Variants in AKT3 observed in about 807,000 individuals in gnomAD.
AKT3 encodes AKT serine/threonine kinase 3.
A neutral mutation model predicts 65.3 loss-of-function variants in AKT3; 15 were observed. The ratio of observed to expected loss-of-function variants is 0.23; its 90% CI spans 0.15 to 0.35. The LOEUF (loss-of-function observed/expected upper bound fraction) is 0.35, where lower values mean the gene tolerates loss of function less well. Ranked by LOEUF, AKT3 falls within the 10% of genes least tolerant of loss-of-function variation. The pLI is 1.00. For missense variants in AKT3, 243 were observed against 576.5 expected (o/e 0.42, Z 5.92); for synonymous variants, 206 against 183.8 (o/e 1.12, Z -0.98).
chr1:243,710,518 C>A (rs1686076966), intron 2 of AKT3, among the ~76,000 whole-genome samples: 1 of 152,154 alleles, frequency 6.6e-6, no homozygotes, highest in Non-Finnish European at 1.5e-5. Flanking sequence ...AGTCACTATA[C>A]CCCGTCCTAT....
chr1:243,563,762 G>A lies in AKT3; in HGVS notation c.906C>T (p.Thr302=), dbSNP rs770248544. The change falls in exon 10 of 14, where the codon ACC becomes ACT. Residue 302 remains threonine, a synonymous_variant. Transcript: ENST00000673466. The stretch of plus-strand genomic sequence containing the variant: ...CTGGAGTGCCACAGAATGTCTTCAT[G>A]GTGGCTGCATCTGTGATCCCTTCTT... ...LCKEGITDAA[T]MKTFCGTPEY... 25 of 1,612,778 alleles carry A rather than the reference G, an allele frequency of 1.6e-5. No individual in the cohort carries two copies. Among genetic ancestry groups the A allele is most frequent in the African/African-American group, 5.3e-5 (4 of 74,864 alleles).
chr1:243,696,339 C>G (rs1453680639), intron 2 of AKT3, among the ~76,000 whole-genome samples: 1 of 151,888 alleles, frequency 6.6e-6, no homozygotes, highest in Non-Finnish European at 1.5e-5. Flanking sequence ...AACATAGTAA[C>G]TATTAATATA....
chr1:243,582,639 G>A (rs1675464125), intron 8 of AKT3, among the ~76,000 whole-genome samples: 1 of 151,978 alleles, frequency 6.6e-6, no homozygotes, highest in Admixed American at 6.6e-5. Flanking sequence ...AAAAATAAAT[G>A]CTACCACAAA....
chr1:243,742,088 TAAC>T (rs1448508326), intron 2 of AKT3, among the ~76,000 whole-genome samples: 1 of 110,634 alleles, frequency 9.0e-6, no homozygotes, highest in Non-Finnish European at 2.0e-5. Flanking sequence ...CAGTAAAAAA[TAAC>T]AATAGAACAA....
chr1:243,509,742 T>G (rs1669904212), intron 13 of AKT3, among the ~76,000 whole-genome samples: 1 of 151,788 alleles, frequency 6.6e-6, no homozygotes, highest in African/African-American at 2.4e-5. Context: ...TGAGCAGAAT[T>G]GAAAATAGGG....
intron 8 of AKT3, among the ~76,000 whole-genome samples, chr1:243,589,857 A>G (rs1263233257): frequency 6.6e-6 from 1 of 152,194 alleles, no homozygotes; most frequent in Non-Finnish European, 1.5e-5. Flanking sequence ...AACATCTATC[A>G]GCAGATAAAT....
chr1:243,556,404 A>T (rs1296311386), intron 10 of AKT3, among the ~76,000 whole-genome samples: 3 of 152,146 alleles, frequency 2.0e-5, no homozygotes, highest in Admixed American at 1.3e-4. Flanking sequence ...AACAAAAAAA[A>T]AACTATTCAT....
intron 12 of AKT3, among the ~76,000 whole-genome samples, chr1:243,539,465 C>T (rs1672153574): frequency 6.6e-6 from 1 of 152,044 alleles, no homozygotes; most frequent in Non-Finnish European, 1.5e-5. Flanking sequence ...AGTTAAGTTT[C>T]TAGGAAGTCA....
intron 2 of AKT3, among the ~76,000 whole-genome samples, chr1:243,837,298 C>T (rs1014792487): frequency 6.6e-6 from 1 of 152,032 alleles, no homozygotes; most frequent in South Asian, 2.1e-4. Flanking sequence ...ATATGGATAG[C>T]CTTGTATCTA....
At chr1:243,766,591 C>T (rs1689843383) in intron 2 of AKT3, among the ~76,000 whole-genome samples, 1 of 152,044 alleles carries the variant, frequency 6.6e-6, no homozygotes, top group Admixed American at 6.6e-5. Context: ...TAAACAACCC[C>T]CAATCTCCAA....
chr1:243,491,966 C>T (rs943072943), intron 13 of AKT3, among the ~76,000 whole-genome samples: 3 of 152,158 alleles, frequency 2.0e-5, no homozygotes, highest in Non-Finnish European at 4.4e-5. Flanking sequence ...GAGAATGGGT[C>T]GGGCAATGGT....
At chr1:243,736,640 G>A (rs552993827) in intron 2 of AKT3, among the ~76,000 whole-genome samples, 1 of 152,090 alleles carries the variant, frequency 6.6e-6, no homozygotes, top group Non-Finnish European at 1.5e-5. Flanking sequence ...GTATTATACA[G>A]CAATCTTAAA....
At chr1:243,488,372 T>A (rs1665511060) in exon 14 of AKT3, 1 of 156,196 alleles carries the variant, frequency 6.4e-6, no homozygotes, top group African/African-American at 2.4e-5. Context: ...AGAACACTTC[T>A]GGGTAGTCGT....
chr1:243,807,014 C>A (rs1300996948), intron 2 of AKT3, among the ~76,000 whole-genome samples: 1 of 152,128 alleles, frequency 6.6e-6, no homozygotes, highest in Non-Finnish European at 1.5e-5. Context: ...CTATTGGGAA[C>A]AATCATCCCA....
intron 2 of AKT3, among the ~76,000 whole-genome samples, chr1:243,824,451 A>T (rs1194718136): frequency 6.6e-6 from 1 of 152,210 alleles, no homozygotes; most frequent in African/African-American, 2.4e-5. Flanking sequence ...AGCAAAAGAA[A>T]CTATCATCAG....
intron 3 of AKT3, among the ~76,000 whole-genome samples, chr1:243,666,512 C>G (rs770851034): frequency 1.3e-5 from 2 of 152,146 alleles, no homozygotes; most frequent in African/African-American, 2.4e-5. Flanking sequence ...AATTACTGGA[C>G]CACCCCTAAA....
chr1:243,783,646 C>A (rs574427848), intron 2 of AKT3, among the ~76,000 whole-genome samples: 2 of 152,100 alleles, frequency 1.3e-5, no homozygotes, highest in Admixed American at 1.3e-4. Context: ...TGAAAAAGTA[C>A]GACAAAGCTA....
chr1:243,839,660 C>A (rs561503276), intron 2 of AKT3, among the ~76,000 whole-genome samples: 1 of 151,996 alleles, frequency 6.6e-6, no homozygotes, highest in South Asian at 2.1e-4. Context: ...TCTTTCAGCC[C>A]TTTTTTTATT....
intron 13 of AKT3, among the ~76,000 whole-genome samples, chr1:243,508,045 G>A (rs560909380): frequency 1.5e-4 from 23 of 152,310 alleles, no homozygotes; most frequent in East Asian, 3.9e-4. Context: ...AATTGCTAAC[G>A]AATGGTACTA....
Sources: allele counts gnomAD v4.1 joint callset (sites outside exome capture counted in the v4.1 genomes callset), GRCh38; gene constraint gnomAD v4.1.1; transcripts MANE v1.5; gene names NCBI Gene and HGNC (gene_info 2026-07-23, HGNC 2026-07-21).